RSBN1L: variants seen among roughly 807,000 people sequenced by gnomAD.
RSBN1L encodes the protein round spermatid basic protein 1 like.
In RSBN1L, 30 loss-of-function variants were observed where a neutral mutation model predicts 67.7. That is an observed-to-expected ratio of 0.44 (90% CI 0.33 to 0.60). The LOEUF (loss-of-function observed/expected upper bound fraction) is 0.60, where lower values mean the gene tolerates loss of function less well. RSBN1L is among the 20% of genes least tolerant of loss of function. RSBN1L has a pLI of 0.02. For synonymous variants in RSBN1L, 433 were observed against 387.0 expected (o/e 1.12, Z -1.39); for missense variants, 992 against 1,031.7 (o/e 0.96, Z 0.53).
chr7:77,735,988 A>AG (rs1357931269), intron 1 of RSBN1L, among the ~76,000 whole-genome samples: 5 of 152,236 alleles, frequency 3.3e-5, no homozygotes, highest in Admixed American at 6.5e-5. Flanking sequence ...AACCATAATG[A>AG]GGAAGGTATC....
At chr7:77,758,805 C>G (rs1012803240) in intron 3 of RSBN1L, among the ~76,000 whole-genome samples, 9 of 152,086 alleles carry the variant, frequency 5.9e-5, no homozygotes, top group African/African-American at 1.9e-4. Flanking sequence ...TAGAAAAAGG[C>G]AAATAAAATA....
chr7:77,772,201 G>C (rs1171745907), intron 5 of RSBN1L, among the ~76,000 whole-genome samples: 2 of 152,176 alleles, frequency 1.3e-5, no homozygotes, highest in Admixed American at 6.5e-5. Context: ...TGTGTAATAA[G>C]ACTGTAATGC....
At chr7:77,755,824 A>C (rs555426233) in intron 3 of RSBN1L, among the ~76,000 whole-genome samples, 2 of 152,334 alleles carry the variant, frequency 1.3e-5, no homozygotes, top group East Asian at 3.9e-4. Context: ...TTATGAGTTG[A>C]ACCTTCTGAG....
rs762640691 is a variant in RSBN1L, at chr7:77,778,992, A to C, written c.2365A>C (p.Lys789Gln). ...TATGGATGGCAAGAATGTTAAAGCAAAATTGGATCATGTTCAATTTGCAGA... is the reference window on the plus strand; with the variant it reads ...TATGGATGGCAAGAATGTTAAAGCACAATTGGATCATGTTCAATTTGCAGA... ...NNMDGKNVKA[K>Q]LDHVQFAEFK... is the part of the protein sequence containing the mutation. The change falls in exon 8 of 8, where the codon AAA (lysine) becomes CAA (glutamine). Residue 789 changes from lysine to glutamine, a missense_variant. Physicochemically the swap from Lys to Gln is moderately conservative, Grantham distance 53. This residue lies in a region of RSBN1L where 199 missense variants were observed against 167.7 expected (regional missense o/e 1.19). Transcript: ENST00000334955. The C allele has an allele frequency of 1.1e-5, 17 of 1,613,960 alleles. No individual in the cohort carries two copies. The Admixed American group carries it at 2.8e-4, about 27-fold the overall frequency.
intron 2 of RSBN1L, among the ~76,000 whole-genome samples, chr7:77,742,180 A>AAAACAC (rs1554340015): frequency 1.2e-5 from 1 of 82,176 alleles, no homozygotes; most frequent in Non-Finnish European, 2.3e-5. Flanking sequence ...AAAAAAAAAA[A>AAAACAC]ATACACACAC....
chr7:77,779,790 T>A lies in RSBN1L; in HGVS notation c.*622T>A, dbSNP rs1562813085. On this transcript the variant is annotated 3_prime_UTR_variant, in exon 8 of 8. Coordinates refer to ENST00000334955, the MANE Select transcript of RSBN1L (RefSeq NM_198467.3). Reference sequence around the variant, plus strand: ...ATGTACGTAATTCAAATCTAGTAAATATTTAAGTTCCTCACACTGTGCAGG... The same window carrying A: ...ATGTACGTAATTCAAATCTAGTAAAAATTTAAGTTCCTCACACTGTGCAGG... 1.3e-5 allele frequency: 2 copies of A among 151,808 alleles called. No individual in the cohort carries two copies. The highest frequency in any genetic ancestry group is 4.2e-4 in the South Asian group (2 of 4,808). The allele number at this position is 151,808 out of a possible 1,614,324, so 9.4% of individuals were successfully genotyped here.
At chr7:77,740,038 C>G (rs1791388820) in intron 2 of RSBN1L, among the ~76,000 whole-genome samples, 1 of 151,902 alleles carries the variant, frequency 6.6e-6, no homozygotes, top group Admixed American at 6.6e-5. Flanking sequence ...AGGCATGAGC[C>G]ACTGCGTCCG....
At chr7:77,706,599 A>G (rs1790896524) in intron 1 of RSBN1L, among the ~76,000 whole-genome samples, 1 of 152,186 alleles carries the variant, frequency 6.6e-6, no homozygotes, top group African/African-American at 2.4e-5. Context: ...ATATAAAATG[A>G]ATTATTCTGG....
intron 1 of RSBN1L, among the ~76,000 whole-genome samples, chr7:77,723,319 A>G (rs1791147563): frequency 6.6e-6 from 1 of 152,142 alleles, no homozygotes. Context: ...AATTTCTTAA[A>G]AAAATTAATG....
chr7:77,778,485 A>AT (rs1663370267), intron 7 of RSBN1L, 39 bp downstream of exon 7: 1 of 1,596,182 alleles, frequency 6.3e-7, no homozygotes, highest in African/African-American at 1.3e-5. Context: ...TTTAGTTTTT[A>AT]TTATGAAGAG....
intron 1 of RSBN1L, among the ~76,000 whole-genome samples, chr7:77,721,080 T>C (rs1215764400): frequency 1.3e-5 from 2 of 152,134 alleles, no homozygotes; most frequent in Non-Finnish European, 2.9e-5. Context: ...CACTTATTTA[T>C]GGCCCGCTTT....
chr7:77,700,551 G>A (rs1249024801), intron 1 of RSBN1L, among the ~76,000 whole-genome samples: 3 of 152,182 alleles, frequency 2.0e-5, no homozygotes, highest in African/African-American at 7.2e-5. Context: ...TGATGTCAAA[G>A]GGATGGGTGT....
chr7:77,721,294 T>C (rs1258734051), intron 1 of RSBN1L, among the ~76,000 whole-genome samples: 1 of 152,058 alleles, frequency 6.6e-6, no homozygotes, highest in South Asian at 2.1e-4. Context: ...TCAATAGTAA[T>C]TTCCTTCTTT....
intron 3 of RSBN1L, among the ~76,000 whole-genome samples, chr7:77,750,458 TC>T (rs1453711354): frequency 6.6e-6 from 1 of 152,152 alleles, no homozygotes; most frequent in Non-Finnish European, 1.5e-5. Flanking sequence ...ACCAGGCCCA[TC>T]ACATGGTAGG....
At chr7:77,726,615 T>G (rs1791206584) in intron 1 of RSBN1L, among the ~76,000 whole-genome samples, 1 of 152,010 alleles carries the variant, frequency 6.6e-6, no homozygotes, top group Admixed American at 6.6e-5. Flanking sequence ...CCCATCTACT[T>G]TTTTTTGTTT....
At chr7:77,755,190 G>A (rs961700009) in intron 3 of RSBN1L, among the ~76,000 whole-genome samples, 54 of 152,246 alleles carry the variant, frequency 3.5e-4, no homozygotes, top group African/African-American at 1.2e-3. Flanking sequence ...ATAAACCACA[G>A]CAAAAACAAA....
intron 1 of RSBN1L, among the ~76,000 whole-genome samples, chr7:77,721,683 T>G (rs1314508824): frequency 6.6e-6 from 1 of 152,158 alleles, no homozygotes. Flanking sequence ...AATCAAGTAA[T>G]CCGGAATCTT....
intron 2 of RSBN1L, among the ~76,000 whole-genome samples, chr7:77,745,685 A>G (rs1791472949): frequency 6.6e-6 from 1 of 152,194 alleles, no homozygotes; most frequent in South Asian, 2.1e-4. Context: ...CCATGGACAG[A>G]TGGGATGGTT....
intron 2 of RSBN1L, among the ~76,000 whole-genome samples, chr7:77,748,407 T>C (rs1458977235): frequency 6.6e-6 from 1 of 152,196 alleles, no homozygotes; most frequent in Non-Finnish European, 1.5e-5. Flanking sequence ...TTTAAACAGA[T>C]TGAAAACAGA....
Sources: allele counts gnomAD v4.1 joint callset (sites outside exome capture counted in the v4.1 genomes callset), GRCh38; gene constraint gnomAD v4.1.1; regional missense constraint gnomAD v4.1.1; transcripts MANE v1.5; gene names NCBI Gene and HGNC (gene_info 2026-07-23, HGNC 2026-07-21).